Variants in ZNF618 observed in about 807,000 individuals in gnomAD.
ZNF618 encodes the protein neural precursor cell expressed, developmentally down-regulated 10.
ZNF618 carries 34 observed loss-of-function variants against 103.0 expected under a neutral mutation model. That is an observed-to-expected ratio of 0.33 (90% CI 0.25 to 0.44). The LOEUF (loss-of-function observed/expected upper bound fraction) is 0.44. ZNF618 is among the 20% of genes least tolerant of loss of function. The pLI is 1.00. For synonymous variants in ZNF618, 551 were observed against 542.2 expected (o/e 1.02, Z -0.23); for missense variants, 1,059 against 1,295.4 (o/e 0.82, Z 2.80).
At chr9:114,029,601 G>A (rs1843821787) in intron 11 of ZNF618, among the ~76,000 whole-genome samples, 2 of 152,000 alleles carry the variant, frequency 1.3e-5, no homozygotes, top group South Asian at 4.2e-4. Flanking sequence ...GTTGGCATGA[G>A]TTTGCATCTC....
chr9:113,932,626 G>A (rs139127040), intron 1 of ZNF618, among the ~76,000 whole-genome samples: 1 of 152,276 alleles, frequency 6.6e-6, no homozygotes, highest in Non-Finnish European at 1.5e-5. Flanking sequence ...TGTCAGACCA[G>A]CAGGACTTCC....
chr9:113,914,316 C>G (rs1831853145), intron 1 of ZNF618, among the ~76,000 whole-genome samples: 1 of 152,166 alleles, frequency 6.6e-6, no homozygotes, highest in Non-Finnish European at 1.5e-5. Flanking sequence ...CTGCCAAATT[C>G]CAAGAGCCTC....
intron 3 of ZNF618, among the ~76,000 whole-genome samples, chr9:113,991,359 G>A (rs1383701342): frequency 1.3e-5 from 2 of 152,232 alleles, no homozygotes; most frequent in Non-Finnish European, 2.9e-5. Context: ...TGCCTGAGGA[G>A]AATGAGCTGG....
At chr9:113,912,037 G>A (rs910036215) in intron 1 of ZNF618, among the ~76,000 whole-genome samples, 24 of 152,188 alleles carry the variant, frequency 1.6e-4, no homozygotes, top group African/African-American at 3.1e-4. Flanking sequence ...GATTCAGCAG[G>A]TGTGGGCGGG....
At chr9:114,042,212 C>G (rs939932649) in intron 13 of ZNF618, among the ~76,000 whole-genome samples, 5 of 152,224 alleles carry the variant, frequency 3.3e-5, no homozygotes, top group African/African-American at 1.2e-4. Flanking sequence ...TTTCACTATT[C>G]AAAGCTAATC....
chr9:113,947,336 C>T (rs537924681), intron 1 of ZNF618, among the ~76,000 whole-genome samples: 1 of 152,306 alleles, frequency 6.6e-6, no homozygotes, highest in South Asian at 2.1e-4. Flanking sequence ...GATAAGAATA[C>T]TTACTCCACA....
At chr9:113,980,202 A>G (rs1408112) in intron 2 of ZNF618, among the ~76,000 whole-genome samples, 86,149 of 151,932 alleles carry the variant, frequency 0.57, 24,710 homozygotes, top group Middle Eastern at 0.77. Context: ...ATTTGATTGT[A>G]TTGTCTTAGA....
chr9:113,988,787 T>A (rs898543531), intron 3 of ZNF618, among the ~76,000 whole-genome samples: 2 of 152,234 alleles, frequency 1.3e-5, no homozygotes, highest in African/African-American at 4.8e-5. Context: ...CTGTTTCTGC[T>A]GGGCAGCAGA....
At chr9:113,938,564 CTTT>C (rs751883694) in intron 1 of ZNF618, among the ~76,000 whole-genome samples, 28 of 77,704 alleles carry the variant, frequency 3.6e-4, no homozygotes, top group Middle Eastern at 7.4e-3. Flanking sequence ...ATTATATTTT[CTTT>C]TTTTCTTTTT....
intron 1 of ZNF618, among the ~76,000 whole-genome samples, chr9:113,966,463 A>C (rs762977675): frequency 6.6e-6 from 1 of 152,180 alleles, no homozygotes; most frequent in Non-Finnish European, 1.5e-5. Context: ...TGGTGTTAGA[A>C]CATTTTGGCC....
At chr9:114,008,218 G>T (rs1020132508) in intron 7 of ZNF618, 126 bp from the exon 8 acceptor site, 9 of 1,354,670 alleles carry the variant, frequency 6.6e-6, no homozygotes, top group Non-Finnish European at 9.0e-6. Context: ...CAGCCCTCCT[G>T]GGCCCCAAGG....
intron 1 of ZNF618, among the ~76,000 whole-genome samples, chr9:113,877,405 C>T (rs1828052178): frequency 6.6e-6 from 1 of 151,354 alleles, no homozygotes; most frequent in Non-Finnish European, 1.5e-5. Context: ...GCTCAGCGGG[C>T]AAAAAAAGAC....
intron 1 of ZNF618, among the ~76,000 whole-genome samples, chr9:113,918,187 T>C (rs1832301752): frequency 6.6e-6 from 1 of 152,168 alleles, no homozygotes; most frequent in Admixed American, 6.5e-5. Flanking sequence ...GGGTATGCAT[T>C]TCCGGCAAGA....
rs531291607 is a variant in ZNF618, at chr9:113,934,452, G to C, written c.34-34665G>C. Among the ~76,000 whole-genome samples, 4 of 152,294 alleles carry C rather than the reference G, an allele frequency of 2.6e-5. No individual in the cohort carries two copies. The East Asian group carries it at 7.7e-4, about 29-fold the overall frequency. ...ATTACACGAACCTCCTCTGTGGATT[G>C]TGAGGAGTAAATGGACAAAACACAT... On this transcript the variant is annotated intron_variant, in intron 1 of 14. Transcript: ENST00000374126.
chr9:114,021,807 C>T (rs1394336004), intron 10 of ZNF618, among the ~76,000 whole-genome samples: 7 of 152,066 alleles, frequency 4.6e-5, no homozygotes, highest in Non-Finnish European at 1.0e-4. Context: ...TAGAATTTTA[C>T]ATATATGGAA....
At chr9:114,032,954 C>T (rs773690362) in intron 12 of ZNF618, among the ~76,000 whole-genome samples, 2 of 152,132 alleles carry the variant, frequency 1.3e-5, no homozygotes, top group Non-Finnish European at 2.9e-5. Flanking sequence ...ACAATGCCTC[C>T]TCTCTGTCTC....
chr9:113,935,193 C>T (rs1456173164), intron 1 of ZNF618, among the ~76,000 whole-genome samples: 2 of 152,186 alleles, frequency 1.3e-5, no homozygotes, highest in African/African-American at 4.8e-5. Flanking sequence ...GAAGGAGAGG[C>T]TCACCATGCC....
At chr9:114,025,824 C>T (rs1392896159) in intron 10 of ZNF618, among the ~76,000 whole-genome samples, 1 of 152,216 alleles carries the variant, frequency 6.6e-6, no homozygotes, top group Non-Finnish European at 1.5e-5. Flanking sequence ...TGCTCTTCTT[C>T]AGCAGTTCTG....
chr9:114,008,547 C>A lies in ZNF618; in HGVS notation c.747C>A (p.Ile249=). 6.2e-7 allele frequency: 1 copy of A among 1,613,898 alleles called. No homozygotes were observed. Among genetic ancestry groups the A allele is most frequent in the Non-Finnish European group, 8.5e-7 (1 of 1,179,866 alleles). The part of the protein sequence containing the change: ...KEEPPEPFQK[I]GPKTGNYTCE... ...AGCCCCCGGAGCCATTCCAGAAAAT[C>A]GGGCCAAGTATGCGGGATTCCCTCT... Residue 249 remains isoleucine (I), a synonymous_variant, in exon 9 of 15, where the codon ATC becomes ATA. Coordinates refer to ENST00000374126, the MANE Select transcript of ZNF618 (RefSeq NM_001318042.2).
Sources: allele counts gnomAD v4.1 joint callset (sites outside exome capture counted in the v4.1 genomes callset), GRCh38; gene constraint gnomAD v4.1.1; transcripts MANE v1.5; gene names NCBI Gene and HGNC (gene_info 2026-07-23, HGNC 2026-07-21).